The following ADGRB2 variants were observed in gnomAD, a reference collection of about 807,000 sequenced individuals.
ADGRB2 encodes brain-specific angiogenesis inhibitor 2.
In ADGRB2, 47 loss-of-function variants were observed where a neutral mutation model predicts 178.7. The ratio of observed to expected loss-of-function variants is 0.26; its 90% CI spans 0.21 to 0.34. The LOEUF is 0.34. ADGRB2 is among the 10% of genes least tolerant of loss of function. ADGRB2 has a pLI of 1.00. For missense variants in ADGRB2, 1,584 were observed against 2,180.8 expected (o/e 0.73, Z 5.45); for synonymous variants, 870 against 912.4 (o/e 0.95, Z 0.84).
Position 31,740,545 on chromosome 1 carries a change from T to C in ADGRB2, c.1795-4A>G. The C allele has an allele frequency of 6.3e-7, 1 of 1,594,070 alleles. No homozygotes were observed. Among genetic ancestry groups the C allele is most frequent in the Non-Finnish European group, 8.6e-7 (1 of 1,169,476 alleles). ...CCTTGGCCAGGTGCTCCCTAAGCTGTAGGTGATGAGGGGGCCACAGTCACT... is the reference window on the plus strand; with the variant it reads ...CCTTGGCCAGGTGCTCCCTAAGCTGCAGGTGATGAGGGGGCCACAGTCACT... On this transcript the variant is annotated splice_region_variant and splice_polypyrimidine_tract_variant and intron_variant, in intron 11 of 32. Transcript: ENST00000373658. This position sits in a 1 kb window ranked among gnomAD's most constrained non-coding sequence, Gnocchi z 5.9.
intron 4 of ADGRB2, among the ~76,000 whole-genome samples, chr1:31,751,108 C>T (rs997663820): frequency 2.0e-5 from 3 of 152,180 alleles, no homozygotes; most frequent in African/African-American, 7.2e-5. Flanking sequence ...AAAGCCCTGG[C>T]CCCGTCTCCC....
At position 31,737,445 on chromosome 1, in the gene ADGRB2, G is replaced by C; in HGVS notation, c.2963C>G (p.Ser988Cys). The change falls in exon 20 of 33, where the codon TCC becomes TGC. Residue 988 changes from serine (S) to cysteine (C), a missense_variant. By Grantham distance (112) the Ser-to-Cys change is moderately radical (BLOSUM62 -1). This residue lies in a region of ADGRB2 where 865 missense variants were observed against 1,192.8 expected (regional missense o/e 0.73). Transcript: ENST00000373658. ...TGCACCTGCCTTGCTCAGCACCCGG[G>C]ACTGGCCCACGAGGATCAGGATGTT... ...ASNILILVGQ[S>C]RVLSKGVCTM... 1 of 1,614,088 alleles carries C rather than the reference G, an allele frequency of 6.2e-7. No individual in the cohort carries two copies. Among genetic ancestry groups the C allele is most frequent in the Non-Finnish European group, 8.5e-7 (1 of 1,179,974 alleles).
In ADGRB2 at chr1:31,727,604, T is replaced by C. The variant is rs759490277; in HGVS notation, c.4574A>G (p.Asp1525Gly). 2.6e-6 allele frequency: 4 copies of C among 1,524,058 alleles called. No homozygotes were observed. The highest frequency in any genetic ancestry group is 3.5e-6 in the Non-Finnish European group (4 of 1,143,308). 94.4% of individuals were successfully genotyped at this position (1,524,058 alleles called of 1,614,324 possible). A position where few individuals can be genotyped will look rare whatever the true frequency, so the allele number is the denominator to read the frequency against. ...GGGGCGCTCCCCAGGGCTGGGCTTATCCTGTGGAGGGAGCGGGAGGGGCCG... is the reference window on the plus strand; with the variant it reads ...GGGGCGCTCCCCAGGGCTGGGCTTACCCTGTGGAGGGAGCGGGAGGGGCCG... ...GGAAERSVCT[D>G]KPSPGERPSL... Residue 1525 changes from aspartate (D) to glycine (G), a missense_variant and splice_region_variant, in exon 33 of 33, where the codon GAT becomes GGT. Asp to Gly is a moderately conservative substitution (Grantham distance 94). This residue lies in a region of ADGRB2 where 865 missense variants were observed against 1,192.8 expected (regional missense o/e 0.73). Transcript: ENST00000373658. This position sits in a 1 kb window ranked among gnomAD's most constrained non-coding sequence, Gnocchi z 4.4.
In ADGRB2 at chr1:31,740,053, T is replaced by G. The variant is rs1645848781; in HGVS notation, c.2059-19A>C. The G allele has an allele frequency of 6.2e-7, 1 of 1,613,954 alleles. No individual in the cohort carries two copies. Among genetic ancestry groups the G allele is most frequent in the Non-Finnish European group, 8.5e-7 (1 of 1,179,984 alleles). On this transcript the variant is annotated intron_variant, in intron 13 of 32. Transcript: ENST00000373658. This position sits in a 1 kb window ranked among gnomAD's most constrained non-coding sequence, Gnocchi z 5.9. ...GGGACACCTGGGGACAGAAAGTGTG[T>G]AAGGGTCCAAGGCAGGGTGGGTCAC... is the stretch of plus-strand genomic sequence containing the variant.
At position 31,728,064 on chromosome 1, in the gene ADGRB2, ACTCCACCG is replaced by A; in HGVS notation, c.4525_4532del (p.Arg1509CysfsTer15). 1.3e-6 allele frequency: 2 copies of A among 1,599,636 alleles called. No individual in the cohort carries two copies. Among genetic ancestry groups the A allele is most frequent in the Non-Finnish European group, 1.7e-6 (2 of 1,175,310 alleles). Reference sequence around the variant, plus strand: ...GCTCGGCTGCCCCACCCGAGGACACACTCCACCGCTTCTCCCTCTGCAACGGGGGCCAC... The same window carrying A: ...GCTCGGCTGCCCCACCCGAGGACACACTTCTCCCTCTGCAACGGGGGCCAC... On this transcript the variant is annotated frameshift_variant, in exon 32 of 33. Coordinates refer to ENST00000373658, the MANE Select transcript of ADGRB2 (RefSeq NM_001364857.2). LOFTEE classifies it high-confidence loss of function. The surrounding 1 kb of genome is among the most constrained non-coding windows in gnomAD (Gnocchi z 6.7).
At chr1:31,732,176 C>A in intron 27 of ADGRB2, 22 bp from the exon 28 acceptor site, 1 of 1,614,024 alleles carries the variant, frequency 6.2e-7, no homozygotes, top group African/African-American at 1.3e-5. Context: ...AAGGGAGGGG[C>A]AGGTGGGCAG....
At position 31,739,421 on chromosome 1, in the gene ADGRB2, A is replaced by G. The variant is rs1175731545; in HGVS notation, c.2382T>C (p.Pro794=). 1 of 1,573,476 alleles carries G rather than the reference A, an allele frequency of 6.4e-7. No individual in the cohort carries two copies. The highest frequency in any genetic ancestry group is 8.6e-7 in the Non-Finnish European group (1 of 1,160,182). ...GRGRGPGTVP[P]GPGHSHQRLL... Reference sequence around the variant, plus strand: ...GGCGCTGGTGGGAGTGGCCTGGGCCAGGAGGCACCGTTCCTGGGCCCCTCC... The same window carrying G: ...GGCGCTGGTGGGAGTGGCCTGGGCCGGGAGGCACCGTTCCTGGGCCCCTCC... Residue 794 remains proline (P), a synonymous_variant, in exon 15 of 33, where the codon CCT becomes CCC. Coordinates refer to ENST00000373658, the MANE Select transcript of ADGRB2 (RefSeq NM_001364857.2).
At chr1:31,757,539 G>A (rs1033496452) in intron 1 of ADGRB2, 28 bp from the exon 2 acceptor site, 9 of 359,458 alleles carry the variant, frequency 2.5e-5, no homozygotes, top group South Asian at 2.3e-4. Context: ...GAGAGGCACC[G>A]AGTAAGGGGA....
At chr1:31,734,499 C>T (rs914426169) in intron 25 of ADGRB2, among the ~76,000 whole-genome samples, 1 of 152,228 alleles carries the variant, frequency 6.6e-6, no homozygotes, top group African/African-American at 2.4e-5. Context: ...AGGCCCTGAG[C>T]TCCCTGACCC....
rs375561426 is a variant in ADGRB2 at position 31,731,034 on chromosome 1, G to C, written c.4146C>G (p.Pro1382=). 17 of 1,587,956 alleles carry C rather than the reference G, an allele frequency of 1.1e-5. No individual in the cohort carries two copies. Among genetic ancestry groups the C allele is most frequent in the Non-Finnish European group, 1.5e-5 (17 of 1,164,576 alleles). ...GGGCCACTGTCTTGGCAGCTCGCCG[G>C]GGGGTCCCCTCCGGCCGGGCCCTGG... ...DAPRARPEGT[P]RRAAKTVAHT... The change falls in exon 29 of 33, where the codon CCC becomes CCG. Residue 1382 remains proline, a synonymous_variant. Transcript: ENST00000373658.
Position 31,756,309 on chromosome 1 carries a change from A to T in ADGRB2, c.528T>A (p.Ala176=), listed in dbSNP as rs1457606404. The T allele has an allele frequency of 4.3e-6, 7 of 1,612,970 alleles. No individual in the cohort carries two copies. Among genetic ancestry groups the T allele is most frequent in the Non-Finnish European group, 5.9e-6 (7 of 1,179,926 alleles). The change falls in exon 4 of 33, where the codon GCT becomes GCA. Residue 176 remains alanine (A), a synonymous_variant. Coordinates refer to ENST00000373658, the MANE Select transcript of ADGRB2 (RefSeq NM_001364857.2). The surrounding 1 kb of genome is among the most constrained non-coding windows in gnomAD (Gnocchi z 8.5). ...PSEAPRLLAP[A]ALAFRFVEVL... is the part of the protein sequence containing the mutation. Reference sequence around the variant, plus strand: ...CCTCGACAAAGCGGAAGGCTAGGGCAGCGGGCGCCAGCAGGCGCGGGGCCT... The same window carrying T: ...CCTCGACAAAGCGGAAGGCTAGGGCTGCGGGCGCCAGCAGGCGCGGGGCCT...
At position 31,744,063 on chromosome 1, in the gene ADGRB2, G is replaced by A. The variant is rs564188085; in HGVS notation, c.1087+130C>T. 352 of 1,212,646 alleles carry A rather than the reference G, an allele frequency of 2.9e-4. 2 individuals carry two copies. In the Admixed American group the frequency reaches 9.8e-3, roughly 34 times the overall value. 75.1% of individuals were successfully genotyped at this position (1,212,646 alleles called of 1,614,324 possible). Reference sequence around the variant, plus strand: ...TGGCATGGTACGCAGAGTTGGGCATGGTGTGGGGAACAGCCACATTTGTTG... The same window carrying A: ...TGGCATGGTACGCAGAGTTGGGCATAGTGTGGGGAACAGCCACATTTGTTG... On this transcript the variant is annotated intron_variant, in intron 6 of 32. Transcript: ENST00000373658. The surrounding 1 kb of genome is among the most constrained non-coding windows in gnomAD (Gnocchi z 6.7).
At chr1:31,749,428 GC>G (rs1646445732) in intron 4 of ADGRB2, among the ~76,000 whole-genome samples, 1 of 152,252 alleles carries the variant, frequency 6.6e-6, no homozygotes. Context: ...AGATTCTAGA[GC>G]CAGACACATG....
rs557212457 is a variant in ADGRB2 at position 31,738,091 on chromosome 1, C to T, written c.2772+109G>A. 1.2e-5 allele frequency: 17 copies of T among 1,469,884 alleles called. No homozygotes were observed. The Admixed American group carries it at 3.3e-4, about 29-fold the overall frequency. The allele number at this position is 1,469,884 out of a possible 1,614,324, so 91.1% of individuals were successfully genotyped here. ...ACGTACAATCCCACAAGCGCACCTG[C>T]AGATGCACATTCAGGATCACCCAGG... On this transcript the variant is annotated intron_variant, in intron 18 of 32. Transcript: ENST00000373658.
rs748580884 is a variant in ADGRB2 at position 31,737,751 on chromosome 1, A to T, written c.2777T>A (p.Leu926Gln). 1.2e-6 allele frequency: 2 copies of T among 1,613,430 alleles called. No homozygotes were observed. Among genetic ancestry groups the T allele is most frequent in the Non-Finnish European group, 1.7e-6 (2 of 1,179,964 alleles). ...GACCGAGGGGGAGCCCGCCAGCTCC[A>T]GGGTCTGGGGAAGATGGGCAGACAG... Reference protein sequence around the residue: ...VLAQPPKDLTLELAGSPSVPL... With the variant: ...VLAQPPKDLTQELAGSPSVPL... The change falls in exon 19 of 33, where the codon CTG becomes CAG. Residue 926 changes from leucine (L) to glutamine (Q), a missense_variant. Around this residue, in one of 3 missense-constraint regions of ADGRB2, gnomAD observed 865 missense variants for 1,192.8 expected, o/e 0.73. Coordinates refer to ENST00000373658, the MANE Select transcript of ADGRB2 (RefSeq NM_001364857.2).
Position 31,756,199 on chromosome 1 carries a change from C to A in ADGRB2, c.638G>T (p.Gly213Val). The A allele has an allele frequency of 6.2e-7, 1 of 1,613,522 alleles. No homozygotes were observed. Among genetic ancestry groups the A allele is most frequent in the Non-Finnish European group, 8.5e-7 (1 of 1,179,892 alleles). ...TGGCTGAGCAAAGCCGCAGGCCCTGCCGGCAGCGCGGCCACACTCCTCACT... is the reference window on the plus strand; with the variant it reads ...TGGCTGAGCAAAGCCGCAGGCCCTGACGGCAGCGCGGCCACACTCCTCACT... ...RWSEECGRAAGRACGFAQPGC... is the reference protein window; with the variant it reads ...RWSEECGRAAVRACGFAQPGC... Residue 213 changes from glycine to valine, a missense_variant, in exon 4 of 33, where the codon GGC (glycine) becomes GTC (valine). Around this residue, in one of 3 missense-constraint regions of ADGRB2, gnomAD observed 657 missense variants for 847.6 expected, o/e 0.78. Transcript: ENST00000373658. The surrounding 1 kb of genome is among the most constrained non-coding windows in gnomAD (Gnocchi z 8.5).
In ADGRB2 at chr1:31,741,618, C is replaced by A; in HGVS notation, c.1687+6G>T. 1 of 1,613,256 alleles carries A rather than the reference C, an allele frequency of 6.2e-7. No homozygotes were observed. The highest frequency in any genetic ancestry group is 8.5e-7 in the Non-Finnish European group (1 of 1,179,660). On this transcript the variant is annotated splice_donor_region_variant and intron_variant, in intron 10 of 32. Coordinates refer to ENST00000373658, the MANE Select transcript of ADGRB2 (RefSeq NM_001364857.2). This position sits in a 1 kb window ranked among gnomAD's most constrained non-coding sequence, Gnocchi z 6.5. ...GTGGTGGTGGGGAAAGCCACCTGCC[C>A]CTTACCTGAGGCATTCGGGGGGCAC...
Position 31,744,888 on chromosome 1 carries a change from CACT to C in ADGRB2, c.839-160_839-158del, listed in dbSNP as rs1467775073. 6.6e-6 allele frequency among the ~76,000 whole-genome samples: 1 copy of C among 152,214 alleles called. No individual in the cohort carries two copies. Among genetic ancestry groups the C allele is most frequent in the Non-Finnish European group, 1.5e-5 (1 of 68,034 alleles). On this transcript the variant is annotated intron_variant, in intron 4 of 32. Coordinates refer to ENST00000373658, the MANE Select transcript of ADGRB2 (RefSeq NM_001364857.2). This position sits in a 1 kb window ranked among gnomAD's most constrained non-coding sequence, Gnocchi z 6.7. The stretch of plus-strand genomic sequence containing the variant: ...CACATTCTGCCCTCTGCCCCACCAC[CACT>C]ATTTCACAGACAAGGAAACTGAGGT...
In ADGRB2 at chr1:31,744,318, C is replaced by T; in HGVS notation, c.962G>A (p.Cys321Tyr). Residue 321 changes from cysteine (C) to tyrosine (Y), a missense_variant, in exon 6 of 33, where the codon TGT becomes TAT. Cys to Tyr is a radical substitution (Grantham distance 194). Coordinates refer to ENST00000373658, the MANE Select transcript of ADGRB2 (RefSeq NM_001364857.2). This position sits in a 1 kb window ranked among gnomAD's most constrained non-coding sequence, Gnocchi z 6.7. ...AAEEWSPWSV[C>Y]SLTCGQGLQV... ...CAGACCCTGCCCACACGTCAGGGAA[C>T]ACACGCTCCACGGGGACCACTCCTC... The T allele has an allele frequency of 6.4e-7, 1 of 1,551,288 alleles. No individual in the cohort carries two copies. The highest frequency in any genetic ancestry group is 8.7e-7 in the Non-Finnish European group (1 of 1,146,922).
Sources: gnomAD v4.1 joint callset for allele counts (sites outside exome capture counted in the v4.1 genomes callset) on GRCh38, gnomAD v4.1.1 for gene constraint, gnomAD v4.1.1 regional missense constraint, Gnocchi (gnomAD v3.1) non-coding constraint, MANE v1.5 for transcripts, NCBI Gene and HGNC (gene_info 2026-07-23, HGNC 2026-07-21) for gene names.